Variants in ESPNL observed in about 807,000 individuals in gnomAD.
ESPNL encodes the protein espin like.
A neutral mutation model predicts 46.8 loss-of-function variants in ESPNL; 49 were observed. That is an observed-to-expected ratio of 1.05 (90% CI 0.83 to 1.33). ESPNL has a LOEUF of 1.33. Ranked by LOEUF, ESPNL falls within the 40% of genes most tolerant of loss-of-function variation. The pLI, the probability that ESPNL is intolerant of heterozygous loss-of-function variation, is 0.00. For missense variants in ESPNL, 1,540 were observed against 1,436.6 expected (o/e 1.07, Z -1.16); for synonymous variants, 664 against 662.1 (o/e 1.00, Z -0.04).
chr2:238,129,007 C>T, intron 8 of ESPNL, 103 bp downstream of exon 8: 1 of 1,451,266 alleles, frequency 6.9e-7, no homozygotes, highest in Non-Finnish European at 9.1e-7. Context: ...GAATCCAAGA[C>T]CCAGGGGCCC....
In ESPNL at chr2:238,129,365, G is replaced by A. The variant is rs977059042; in HGVS notation, c.1413+461G>A. 5 of 597,558 alleles carry A rather than the reference G, an allele frequency of 8.4e-6. No individual in the cohort carries two copies. The Admixed American group carries it at 3.0e-4, about 35-fold the overall frequency. 37.0% of individuals were successfully genotyped at this position (597,558 alleles called of 1,614,324 possible). ...TGAGCAGGGGCCAGAGGGAAGAGAGGGGGAGCCCTGTGGGAATTTGGGGCA... is the reference window on the plus strand; with the variant it reads ...TGAGCAGGGGCCAGAGGGAAGAGAGAGGGAGCCCTGTGGGAATTTGGGGCA... On this transcript the variant is annotated intron_variant, in intron 8 of 8. Coordinates refer to ENST00000343063, the MANE Select transcript of ESPNL (RefSeq NM_194312.4).
chr2:238,129,137 T>G (rs1259134861), intron 8 of ESPNL: 1 of 1,398,982 alleles, frequency 7.1e-7, no homozygotes, highest in Admixed American at 3.1e-5. Context: ...TCCTTCCACT[T>G]GGCGGATTTG....
rs1399721458 is a variant in ESPNL at position 238,104,655 on chromosome 2, G to T, written c.486-1G>T. 2 of 1,579,542 alleles carry T rather than the reference G, an allele frequency of 1.3e-6. No individual in the cohort carries two copies. Among genetic ancestry groups the T allele is most frequent in the Non-Finnish European group, 1.7e-6 (2 of 1,161,310 alleles). ...GCCTCCAAACCCTCCCTTCCCTGCAGCAGCGTGAACCGGCGGACACGCAGT... is the reference window on the plus strand; with the variant it reads ...GCCTCCAAACCCTCCCTTCCCTGCATCAGCGTGAACCGGCGGACACGCAGT... On this transcript the variant is annotated splice_acceptor_variant, in intron 2 of 8. Transcript: ENST00000343063. LOFTEE classifies it high-confidence loss of function.
Position 238,107,962 on chromosome 2 carries a change from G to A in ESPNL, c.844G>A (p.Gly282Arg), listed in dbSNP as rs144886453. The A allele has an allele frequency of 5.3e-5, 86 of 1,611,584 alleles. No individual in the cohort carries two copies. The highest frequency in any genetic ancestry group is 1.2e-4 in the African/African-American group (9 of 74,916). Residue 282 changes from glycine to arginine, a missense_variant, in exon 4 of 9, where the codon GGG (glycine) becomes AGG (arginine). Coordinates refer to ENST00000343063, the MANE Select transcript of ESPNL (RefSeq NM_194312.4). Reference sequence around the variant, plus strand: ...CCCCCTCCACGACGCAGCAGAGAACGGGCAGATGGAGGTAAGGTGGGCGTG... The same window carrying A: ...CCCCCTCCACGACGCAGCAGAGAACAGGCAGATGGAGGTAAGGTGGGCGTG... ...GTPLHDAAEN[G>R]QMECCQTLVS...
chr2:238,118,143 G>C (rs545540908), intron 5 of ESPNL, among the ~76,000 whole-genome samples: 1 of 150,820 alleles, frequency 6.6e-6, no homozygotes, highest in Admixed American at 6.6e-5. Flanking sequence ...AGGAATGGAT[G>C]GAGGAGGGTG....
At chr2:238,115,066 C>G (rs1196311839) in intron 4 of ESPNL, among the ~76,000 whole-genome samples, 1 of 151,852 alleles carries the variant, frequency 6.6e-6, no homozygotes, top group East Asian at 1.9e-4. Flanking sequence ...GTTCTGGCTC[C>G]GGTCTTGCGG....
At position 238,125,398 on chromosome 2, in the gene ESPNL, C is replaced by T; in HGVS notation, c.1102+14C>T. ...GGAACCCCAGCCGTGAGTGCACAGCCCCAAGTGGGCCACCCAGGGCATGGG... is the reference window on the plus strand; with the variant it reads ...GGAACCCCAGCCGTGAGTGCACAGCTCCAAGTGGGCCACCCAGGGCATGGG... On this transcript the variant is annotated intron_variant, in intron 6 of 8. Transcript: ENST00000343063. 6.8e-7 allele frequency: 1 copy of T among 1,464,802 alleles called. No individual in the cohort carries two copies. Among genetic ancestry groups the T allele is most frequent in the Non-Finnish European group, 9.2e-7 (1 of 1,092,388 alleles). The allele number at this position is 1,464,802 out of a possible 1,614,324, so 90.7% of individuals were successfully genotyped here. A position where few individuals can be genotyped will look rare whatever the true frequency, so the allele number is the denominator to read the frequency against.
At chr2:238,123,054 C>T (rs979862660) in intron 5 of ESPNL, among the ~76,000 whole-genome samples, 5 of 152,198 alleles carry the variant, frequency 3.3e-5, no homozygotes, top group Non-Finnish European at 7.3e-5. Context: ...CCCTTGCCCC[C>T]GAGTCCCAGG....
chr2:238,101,554 C>T (rs572505565), intron 1 of ESPNL, among the ~76,000 whole-genome samples: 6 of 152,170 alleles, frequency 3.9e-5, no homozygotes, highest in Non-Finnish European at 7.4e-5. Flanking sequence ...CTGTGGCCAG[C>T]GGGAGGGCAC....
chr2:238,104,296 C>T (rs56067485), intron 2 of ESPNL, among the ~76,000 whole-genome samples: 12,790 of 152,268 alleles, frequency 0.084, 727 homozygotes, highest in Admixed American at 0.18. Flanking sequence ...GCACCCAGCG[C>T]CACCTGCCAC....
rs1466767602 is a variant in ESPNL at position 238,100,727 on chromosome 2, G to T, written c.294+14G>T. 1 of 1,408,174 alleles carries T rather than the reference G, an allele frequency of 7.1e-7. No individual in the cohort carries two copies. The highest frequency in any genetic ancestry group is 2.9e-5 in the East Asian group (1 of 34,954). The allele number at this position is 1,408,174 out of a possible 1,614,324, so 87.2% of individuals were successfully genotyped here. Reference sequence around the variant, plus strand: ...TGCGGTCTGCAGGTGAGCGGGGATGGGGCAGCCTGGCTCCACGAAGCTGGC... The same window carrying T: ...TGCGGTCTGCAGGTGAGCGGGGATGTGGCAGCCTGGCTCCACGAAGCTGGC... On this transcript the variant is annotated intron_variant, in intron 1 of 8. Coordinates refer to ENST00000343063, the MANE Select transcript of ESPNL (RefSeq NM_194312.4).
chr2:238,121,682 T>C (rs2106474312), intron 5 of ESPNL, among the ~76,000 whole-genome samples: 1 of 152,338 alleles, frequency 6.6e-6, no homozygotes, highest in East Asian at 1.9e-4. Flanking sequence ...ACAGGCATGA[T>C]CCACCGTACC....
intron 4 of ESPNL, among the ~76,000 whole-genome samples, chr2:238,108,277 C>G (rs1431654351): frequency 6.6e-6 from 1 of 152,248 alleles, no homozygotes; most frequent in Non-Finnish European, 1.5e-5. Flanking sequence ...TGGGGCGGAC[C>G]CTCTGCTGTG....
Position 238,104,651 on chromosome 2 carries a change from T to C in ESPNL, c.486-5T>C. ...CTGGGCCTCCAAACCCTCCCTTCCC[T>C]GCAGCAGCGTGAACCGGCGGACACG... is the stretch of plus-strand genomic sequence containing the variant. On this transcript the variant is annotated splice_polypyrimidine_tract_variant and splice_region_variant and intron_variant, in intron 2 of 8. Coordinates refer to ENST00000343063, the MANE Select transcript of ESPNL (RefSeq NM_194312.4). The C allele has an allele frequency of 6.3e-7, 1 of 1,575,188 alleles. No individual in the cohort carries two copies. Among genetic ancestry groups the C allele is most frequent in the Non-Finnish European group, 8.6e-7 (1 of 1,158,684 alleles).
intron 3 of ESPNL, among the ~76,000 whole-genome samples, chr2:238,106,708 C>T (rs1312248873): frequency 6.6e-6 from 1 of 152,222 alleles, no homozygotes; most frequent in Non-Finnish European, 1.5e-5. Flanking sequence ...GCAGCAGCAG[C>T]TCACCACAGG....
chr2:238,101,162 C>G (rs573399742), intron 1 of ESPNL, among the ~76,000 whole-genome samples: 1 of 152,288 alleles, frequency 6.6e-6, no homozygotes, highest in South Asian at 2.1e-4. Flanking sequence ...ACTGGGCCCC[C>G]CTCCCCTATC....
rs199915354 is a variant in ESPNL, at chr2:238,107,799, C to G, written c.681C>G (p.Phe227Leu). The change falls in exon 4 of 9, where the codon TTC (phenylalanine) becomes TTG (leucine). Residue 227 changes from phenylalanine to leucine, a missense_variant. Physicochemically the swap from Phe to Leu is conservative, Grantham distance 22. Coordinates refer to ENST00000343063, the MANE Select transcript of ESPNL (RefSeq NM_194312.4). ...HYSLVVWLVT[F>L]TDIGLTARDN... Reference sequence around the variant, plus strand: ...TGCCCCTCCTTCCCCAGGTCACATTCACCGACATCGGACTCACGGCACGGG... The same window carrying G: ...TGCCCCTCCTTCCCCAGGTCACATTGACCGACATCGGACTCACGGCACGGG... The G allele has an allele frequency of 4.2e-5, 67 of 1,589,648 alleles. No individual in the cohort carries two copies. Among genetic ancestry groups the G allele is most frequent in the Admixed American group, 2.6e-4 (15 of 57,016 alleles).
chr2:238,128,999 A>G (rs1333861857), intron 8 of ESPNL, 95 bp downstream of exon 8: 89 of 1,458,150 alleles, frequency 6.1e-5, no homozygotes, highest in Non-Finnish European at 8.0e-5. Context: ...CCAGAACTGA[A>G]TCCAAGACCC....
In ESPNL at chr2:238,125,237, G is replaced by T. The variant is rs1479927622; in HGVS notation, c.988-33G>T. 1.0e-5 allele frequency: 11 copies of T among 1,076,182 alleles called. No homozygotes were observed. The African/African-American group carries it at 1.6e-4, about 16-fold the overall frequency. The allele number at this position is 1,076,182 out of a possible 1,614,324, so 66.7% of individuals were successfully genotyped here. ...AGGTGAGCAGGGAAGAGCCCACGGG[G>T]GTCCCCCACTGACCAGGCCCATTCA... On this transcript the variant is annotated intron_variant, in intron 5 of 8. Transcript: ENST00000343063.
Sources: gnomAD v4.1 joint callset for allele counts (sites outside exome capture counted in the v4.1 genomes callset) on GRCh38, gnomAD v4.1.1 for gene constraint, MANE v1.5 for transcripts, NCBI Gene and HGNC (gene_info 2026-07-23, HGNC 2026-07-21) for gene names.